Variants in CDH12 observed in about 807,000 individuals in gnomAD.
CDH12 encodes the protein cadherin-12.
A neutral mutation model predicts 74.1 loss-of-function variants in CDH12; 41 were observed. The observed-to-expected ratio is 0.55, with a 90% CI of 0.43 to 0.72. The LOEUF (loss-of-function observed/expected upper bound fraction) is 0.72, where lower values mean the gene tolerates loss of function less well. CDH12 is among the 30% of genes least tolerant of loss of function. The pLI, the probability that CDH12 is intolerant of heterozygous loss-of-function variation, is 0.00. For synonymous variants in CDH12, 399 were observed against 355.0 expected (o/e 1.12, Z -1.39); for missense variants, 945 against 977.2 (o/e 0.97, Z 0.44).
chr5:21,854,857 T>C lies in CDH12; in HGVS notation c.527-67A>G, dbSNP rs781627671. On this transcript the variant is annotated intron_variant, in intron 6 of 14. Transcript: ENST00000382254. ...TACTTTCAAGGTCATGACTCTTATC[T>C]GCTGGACTCGATTTTCCTTTGGTAT... 293 of 1,454,294 alleles carry C rather than the reference T, an allele frequency of 2.0e-4. 1 individual carries two copies. The highest frequency in any genetic ancestry group is 1.8e-3 in the Middle Eastern group (10 of 5,552). 90.1% of individuals were successfully genotyped at this position (1,454,294 alleles called of 1,614,324 possible).
chr5:22,380,420 A>G (rs554677240), intron 3 of CDH12, among the ~76,000 whole-genome samples: 8 of 152,278 alleles, frequency 5.3e-5, no homozygotes, highest in African/African-American at 1.9e-4. Context: ...AGTCAACACA[A>G]AATGCCTTTT....
intron 3 of CDH12, among the ~76,000 whole-genome samples, chr5:22,292,623 A>AAC (rs35149500): frequency 0.53 from 79,584 of 149,602 alleles, 21,334 homozygotes; most frequent in Non-Finnish European, 0.59. Context: ...ATGCTTCTCA[A>AAC]ACACACACAC....
chr5:21,762,056 T>G (rs1217030842), intron 12 of CDH12, among the ~76,000 whole-genome samples: 1 of 152,142 alleles, frequency 6.6e-6, no homozygotes, highest in Non-Finnish European at 1.5e-5. Context: ...TGCAGATCAC[T>G]CAATTTCATT....
Position 22,698,910 on chromosome 5 carries a change from T to C in CDH12, c.-523+154148A>G, listed in dbSNP as rs376402892. Among the ~76,000 whole-genome samples the C allele has an allele frequency of 1.1e-4, 16 of 151,700 alleles. No homozygotes were observed. In the East Asian group the frequency reaches 2.3e-3, roughly 22 times the overall value. ...CGTATACAATTAGGTGTAGTTTCTC[T>C]ATGTAGTTGTGATACCAATATTTCT... On this transcript the variant is annotated intron_variant, in intron 1 of 14. Coordinates refer to ENST00000382254, the MANE Select transcript of CDH12 (RefSeq NM_004061.5).
chr5:22,562,732 C>T (rs951612885), intron 1 of CDH12, among the ~76,000 whole-genome samples: 1 of 151,060 alleles, frequency 6.6e-6, no homozygotes, highest in Non-Finnish European at 1.5e-5. Context: ...CAACAAAATG[C>T]TAAATATGCA....
intron 14 of CDH12, 121 bp from the exon 15 acceptor site, chr5:21,752,357 A>T (rs1211195589): frequency 1.3e-6 from 1 of 764,182 alleles, no homozygotes; most frequent in African/African-American, 1.8e-5. Context: ...TGTTACTTTC[A>T]TAGTAAACAT....
At chr5:22,148,146 T>G (rs2150306315) in intron 4 of CDH12, among the ~76,000 whole-genome samples, 1 of 152,264 alleles carries the variant, frequency 6.6e-6, no homozygotes, top group South Asian at 2.1e-4. Context: ...CTTAAAGACT[T>G]TTTTCCTGTG....
chr5:21,894,098 G>C (rs765426993), intron 6 of CDH12, among the ~76,000 whole-genome samples: 1 of 152,102 alleles, frequency 6.6e-6, no homozygotes, highest in African/African-American at 2.4e-5. Context: ...ATAAATATTG[G>C]CTGGGCAGAG....
At chr5:22,047,789 T>A (rs939489465) in intron 5 of CDH12, among the ~76,000 whole-genome samples, 2 of 152,110 alleles carry the variant, frequency 1.3e-5, no homozygotes, top group South Asian at 4.1e-4. Context: ...CTAAAATTAC[T>A]CTTATCATTT....
chr5:22,851,344 G>T (rs1737548111), intron 1 of CDH12, among the ~76,000 whole-genome samples: 1 of 152,022 alleles, frequency 6.6e-6, no homozygotes, highest in Non-Finnish European at 1.5e-5. Flanking sequence ...CCTACTGCTT[G>T]GAAATGGCAC....
At chr5:22,256,140 A>G (rs943185984) in intron 3 of CDH12, among the ~76,000 whole-genome samples, 1 of 152,156 alleles carries the variant, frequency 6.6e-6, no homozygotes, top group African/African-American at 2.4e-5. Context: ...GTAAATTGGA[A>G]GAAGTGTAAA....
intron 4 of CDH12, among the ~76,000 whole-genome samples, chr5:22,131,483 C>T (rs1050642977): frequency 9.2e-5 from 14 of 152,204 alleles, no homozygotes; most frequent in African/African-American, 3.4e-4. Context: ...ACATGCCTAT[C>T]GAAAAATGCT....
intron 1 of CDH12, among the ~76,000 whole-genome samples, chr5:22,545,550 A>C (rs2126725588): frequency 6.6e-6 from 1 of 152,348 alleles, no homozygotes; most frequent in South Asian, 2.1e-4. Flanking sequence ...GATTGAAATA[A>C]GGATACCAGC....
At chr5:21,950,865 CA>C (rs1755829992) in intron 6 of CDH12, among the ~76,000 whole-genome samples, 1 of 150,780 alleles carries the variant, frequency 6.6e-6, no homozygotes, top group African/African-American at 2.4e-5. Context: ...AACCTCACTG[CA>C]AGCTCCACCT....
rs149863812 is a variant in CDH12, at chr5:22,532,567, T to G, written c.-522-27203A>C. On this transcript the variant is annotated intron_variant, in intron 1 of 14. Transcript: ENST00000382254. ...AAGATCTAACCCTGCTAATTTAAAT[T>G]TCTGCTGAATTAAGACTTGGTTTAA... 2.3e-3 allele frequency among the ~76,000 whole-genome samples: 345 copies of G among 151,422 alleles called. 5 individuals carry two copies. Among genetic ancestry groups the G allele is most frequent in the African/African-American group, 7.8e-3 (322 of 41,300 alleles).
At chr5:22,065,516 A>T (rs4634320) in intron 5 of CDH12, among the ~76,000 whole-genome samples, 3 of 151,534 alleles carry the variant, frequency 2.0e-5, no homozygotes, top group Non-Finnish European at 4.4e-5. Context: ...AAATGTCACA[A>T]CTTTGGTCAC....
At chr5:22,061,115 AATGAGT>A (rs1422842752) in intron 5 of CDH12, among the ~76,000 whole-genome samples, 1 of 152,196 alleles carries the variant, frequency 6.6e-6, no homozygotes, top group African/African-American at 2.4e-5. Flanking sequence ...ACTCTTTAAT[AATGAGT>A]ATAAGTATGT....
At chr5:22,302,466 T>C (rs1737928228) in intron 3 of CDH12, among the ~76,000 whole-genome samples, 1 of 152,152 alleles carries the variant, frequency 6.6e-6, no homozygotes, top group South Asian at 2.1e-4. Context: ...TTCCAGGAAG[T>C]GGGTATTGAA....
intron 6 of CDH12, among the ~76,000 whole-genome samples, chr5:21,936,491 G>A (rs1755079776): frequency 1.3e-5 from 2 of 151,990 alleles, no homozygotes; most frequent in Non-Finnish European, 2.9e-5. Context: ...GATGAATATA[G>A]CAGAAAGTTT....
Sources: allele counts gnomAD v4.1 joint callset (sites outside exome capture counted in the v4.1 genomes callset), GRCh38; gene constraint gnomAD v4.1.1; transcripts MANE v1.5; gene names NCBI Gene and HGNC (gene_info 2026-07-23, HGNC 2026-07-21).